SMCHD1: variants seen among roughly 807,000 people sequenced by gnomAD.
SMCHD1 encodes the protein structural maintenance of chromosomes flexible hinge domain containing 1, also known as structural maintenance of chromosomes flexible hinge domain-containing protein 1.
In SMCHD1, 78 loss-of-function variants were observed where a neutral mutation model predicts 254.7. The ratio of observed to expected loss-of-function variants is 0.31; its 90% CI spans 0.26 to 0.37. The LOEUF is 0.37. Among genes scored for constraint, SMCHD1 ranks in the 10% least tolerant of loss-of-function variants. SMCHD1 has a pLI of 1.00. For missense variants in SMCHD1, 1,840 were observed against 2,408.1 expected (o/e 0.76, Z 4.94); for synonymous variants, 766 against 794.9 (o/e 0.96, Z 0.61).
At chr18:2,692,665 C>G (rs1333913255) in intron 7 of SMCHD1, among the ~76,000 whole-genome samples, 2 of 152,168 alleles carry the variant, frequency 1.3e-5, no homozygotes, top group African/African-American at 4.8e-5. Context: ...CCTTTATGCT[C>G]TTGAATTCAT....
At chr18:2,658,775 G>C (rs1383366672) in intron 1 of SMCHD1, among the ~76,000 whole-genome samples, 2 of 151,788 alleles carry the variant, frequency 1.3e-5, no homozygotes, top group Non-Finnish European at 2.9e-5. Flanking sequence ...ACTGGGATTG[G>C]AATTTAGGTC....
At chr18:2,802,080 A>G (rs151155860) in intron 47 of SMCHD1, among the ~76,000 whole-genome samples, 5 of 152,282 alleles carry the variant, frequency 3.3e-5, no homozygotes, top group African/African-American at 7.2e-5. Context: ...CTGTAGCTAT[A>G]TATGTCAAGG....
chr18:2,762,647 G>A (rs888092778), intron 36 of SMCHD1, among the ~76,000 whole-genome samples: 3 of 151,890 alleles, frequency 2.0e-5, no homozygotes, highest in African/African-American at 7.3e-5. Flanking sequence ...CACCTGGCTA[G>A]TTTTAAATTT....
intron 17 of SMCHD1, among the ~76,000 whole-genome samples, chr18:2,708,878 A>ATGTATATG (rs1326468644): frequency 1.8e-5 from 1 of 56,796 alleles, no homozygotes; most frequent in African/African-American, 9.8e-5. Flanking sequence ...ATATATATAT[A>ATGTATATG]TATATATATA....
intron 5 of SMCHD1, among the ~76,000 whole-genome samples, chr18:2,682,167 GT>G (rs1014181468): frequency 1.1e-4 from 16 of 150,064 alleles, no homozygotes; most frequent in Admixed American, 2.0e-4. Context: ...TAAGTTTGGT[GT>G]TTTTTTTTTC....
At chr18:2,660,119 T>G (rs557718311) in intron 1 of SMCHD1, among the ~76,000 whole-genome samples, 55 of 152,100 alleles carry the variant, frequency 3.6e-4, no homozygotes, top group Admixed American at 1.6e-3. Context: ...AGGTCAGGAG[T>G]TAGAGATCAG....
chr18:2,712,231 C>CTTT lies in SMCHD1; in HGVS notation c.2260+4323_2260+4325dup, dbSNP rs35669047. On this transcript the variant is annotated intron_variant, in intron 17 of 47. Transcript: ENST00000320876. ...ATTTTGGTCTGTAGTTTTCTTTTTC[C>CTTT]TTTTTTTTTTTTTTGATGTCTGTGT... Among the ~76,000 whole-genome samples the CTTT allele has an allele frequency of 7.9e-3, 1,129 of 142,146 alleles. 7 individuals carry two copies. Among genetic ancestry groups the CTTT allele is most frequent in the Non-Finnish European group, 0.013 (838 of 65,466 alleles). The allele number at this position is 142,146 out of a possible 152,430, so 93.3% of individuals were successfully genotyped here.
intron 22 of SMCHD1, among the ~76,000 whole-genome samples, chr18:2,727,674 C>T (rs1255067217): frequency 6.6e-6 from 1 of 151,840 alleles, no homozygotes; most frequent in Non-Finnish European, 1.5e-5. Context: ...TCTCTGAATC[C>T]CAGTTTCCTT....
chr18:2,699,279 T>G (rs1193632448), intron 10 of SMCHD1, among the ~76,000 whole-genome samples: 3 of 96,858 alleles, frequency 3.1e-5, no homozygotes, highest in Admixed American at 9.8e-5. Flanking sequence ...TCAACACTAT[T>G]TATTAAGTGC....
chr18:2,720,749 C>CT (rs2074909011), intron 19 of SMCHD1, among the ~76,000 whole-genome samples: 1 of 152,046 alleles, frequency 6.6e-6, no homozygotes, highest in African/African-American at 2.4e-5. Context: ...TCAATAAACA[C>CT]TTTCCTATTT....
intron 5 of SMCHD1, among the ~76,000 whole-genome samples, chr18:2,685,200 C>T (rs576246960): frequency 4.9e-5 from 7 of 144,302 alleles, no homozygotes; most frequent in African/African-American, 1.0e-4. Context: ...CCCGGGTTCA[C>T]GCCATTCTCC....
At chr18:2,658,404 C>T (rs1446561513) in intron 1 of SMCHD1, among the ~76,000 whole-genome samples, 1 of 152,158 alleles carries the variant, frequency 6.6e-6, no homozygotes, top group Admixed American at 6.5e-5. Flanking sequence ...AACCCAGAAC[C>T]TCTGTTCATT....
chr18:2,796,998 T>G (rs2076276299), intron 47 of SMCHD1: 1 of 152,272 alleles, frequency 6.6e-6, no homozygotes, highest in Admixed American at 6.5e-5. Context: ...TTAAGCATTA[T>G]GTTTTCTTAG....
chr18:2,745,554 AT>A (rs908966443), intron 29 of SMCHD1, among the ~76,000 whole-genome samples: 88 of 151,440 alleles, frequency 5.8e-4, no homozygotes, highest in Non-Finnish European at 9.9e-4. Context: ...AAGCCAGTGC[AT>A]TTTTTTTTCT....
chr18:2,764,352 T>G (rs1428857756), intron 37 of SMCHD1, among the ~76,000 whole-genome samples: 1 of 152,162 alleles, frequency 6.6e-6, no homozygotes, highest in Non-Finnish European at 1.5e-5. Flanking sequence ...GTGTAAAATT[T>G]CATTAATAGA....
At chr18:2,779,218 A>G (rs1007763963) in intron 44 of SMCHD1, among the ~76,000 whole-genome samples, 3 of 152,150 alleles carry the variant, frequency 2.0e-5, no homozygotes, top group Admixed American at 6.6e-5. Context: ...CTCTTTGTAG[A>G]TTTCTCCAAG....
intron 13 of SMCHD1, among the ~76,000 whole-genome samples, chr18:2,704,445 A>T (rs985722264): frequency 1.1e-4 from 16 of 152,092 alleles, no homozygotes; most frequent in Admixed American, 2.0e-4. Context: ...TGTGTGGTGG[A>T]GAATTCAGAG....
intron 7 of SMCHD1, among the ~76,000 whole-genome samples, chr18:2,689,421 A>G (rs1021541956): frequency 6.6e-6 from 1 of 151,786 alleles, no homozygotes; most frequent in African/African-American, 2.4e-5. Flanking sequence ...GTGTTTCACC[A>G]TGTTGGCCAG....
chr18:2,774,897 C>G (rs1354501986), intron 41 of SMCHD1, among the ~76,000 whole-genome samples: 3 of 152,188 alleles, frequency 2.0e-5, no homozygotes, highest in Non-Finnish European at 4.4e-5. Context: ...ATTGGGTGTT[C>G]ACGCACATGC....
Sources: allele counts gnomAD v4.1 joint callset (sites outside exome capture counted in the v4.1 genomes callset), GRCh38; gene constraint gnomAD v4.1.1; transcripts MANE v1.5; gene names NCBI Gene and HGNC (gene_info 2026-07-23, HGNC 2026-07-21).